The following SLC31A2 variants were observed in gnomAD, a reference collection of about 807,000 sequenced individuals.
The protein encoded by SLC31A2 is protein SLC31A2.
In SLC31A2, 16 loss-of-function variants were observed where a neutral mutation model predicts 14.4. The observed-to-expected ratio is 1.11, with a 90% CI of 0.75 to 1.69. The LOEUF (loss-of-function observed/expected upper bound fraction) is 1.69. Among genes scored for constraint, SLC31A2 ranks in the 40% most tolerant of loss-of-function variants. The pLI is 0.00. For synonymous variants in SLC31A2, 56 were observed against 68.7 expected (o/e 0.82, Z 0.91); for missense variants, 140 against 173.9 (o/e 0.81, Z 1.10).
In SLC31A2 at chr9:113,151,031, C is replaced by G. The variant is rs374995012; in HGVS notation, c.-44C>G. On this transcript the variant is annotated 5_prime_UTR_variant, in exon 1 of 4. Coordinates refer to ENST00000259392, the MANE Select transcript of SLC31A2 (RefSeq NM_001860.3). The surrounding 1 kb of genome is among the most constrained non-coding windows in gnomAD (Gnocchi z 4.2). ...TGAACTGACTCGGAGCGAGGAGACC[C>G]GAGCGAGCAGACGCGGCCCTGGCGC... 9 of 1,298,330 alleles carry G rather than the reference C, an allele frequency of 6.9e-6. No homozygotes were observed. In the Admixed American group the frequency reaches 2.5e-4, roughly 37 times the overall value. The allele number at this position is 1,298,330 out of a possible 1,614,324, so 80.4% of individuals were successfully genotyped here. A position where few individuals can be genotyped will look rare whatever the true frequency, so the allele number is the denominator to read the frequency against.
chr9:113,160,599 AT>A (rs1829998812), intron 2 of SLC31A2, among the ~76,000 whole-genome samples: 1 of 152,134 alleles, frequency 6.6e-6, no homozygotes, highest in African/African-American at 2.4e-5. Context: ...TCTAAACTGC[AT>A]TCTTTTGGGT....
intron 1 of SLC31A2, among the ~76,000 whole-genome samples, chr9:113,154,000 C>G (rs927147517): frequency 6.6e-6 from 1 of 152,156 alleles, no homozygotes; most frequent in Admixed American, 6.5e-5. Flanking sequence ...GAGACAGAGT[C>G]TTACTCTATT....
chr9:113,151,119 G>C lies in SLC31A2; in HGVS notation c.6+39G>C. On this transcript the variant is annotated intron_variant, in intron 1 of 3. Coordinates refer to ENST00000259392, the MANE Select transcript of SLC31A2 (RefSeq NM_001860.3). The surrounding 1 kb of genome is among the most constrained non-coding windows in gnomAD (Gnocchi z 4.2). ...GCTACGGTGAAGAGGGTGGGCGGTT[G>C]GGGCGGGGTCTCCTGGAGCTGCCAT... 7.7e-7 allele frequency: 1 copy of C among 1,293,284 alleles called. No homozygotes were observed. Among genetic ancestry groups the C allele is most frequent in the Non-Finnish European group, 9.9e-7 (1 of 1,012,754 alleles). 80.1% of individuals were successfully genotyped at this position (1,293,284 alleles called of 1,614,324 possible). A position where few individuals can be genotyped will look rare whatever the true frequency, so the allele number is the denominator to read the frequency against.
At chr9:113,157,929 TCA>T (rs1829955302) in intron 2 of SLC31A2, 136 bp downstream of exon 2, 1 of 725,896 alleles carries the variant, frequency 1.4e-6, no homozygotes, top group Non-Finnish European at 2.5e-6. Flanking sequence ...AGCAGGAACT[TCA>T]CAGTTATAAT....
intron 1 of SLC31A2, among the ~76,000 whole-genome samples, chr9:113,152,984 T>C (rs10981652): frequency 0.64 from 97,202 of 152,078 alleles, 31,340 homozygotes; most frequent in South Asian, 0.73. Context: ...CCCCTACCTC[T>C]ACCTGGCAGA....
In SLC31A2 at chr9:113,163,171, A is replaced by C. The variant is rs1296518585; in HGVS notation, c.*254A>C. On this transcript the variant is annotated 3_prime_UTR_variant, in exon 4 of 4. Transcript: ENST00000259392. Reference sequence around the variant, plus strand: ...GACAGCTGCTGTGACCAAAGGGAGAATGGAGATAACAGGGGTGGCAGGGTT... The same window carrying C: ...GACAGCTGCTGTGACCAAAGGGAGACTGGAGATAACAGGGGTGGCAGGGTT... 2.5e-5 allele frequency: 8 copies of C among 316,378 alleles called. No homozygotes were observed. Among genetic ancestry groups the C allele is most frequent in the Non-Finnish European group, 4.6e-5 (8 of 173,378 alleles). 19.6% of individuals were successfully genotyped at this position (316,378 alleles called of 1,614,324 possible).
At position 113,163,791 on chromosome 9, in the gene SLC31A2, A is replaced by G. The variant is rs982185990; in HGVS notation, c.*874A>G. The G allele has an allele frequency of 6.6e-6, 1 of 152,606 alleles. No individual in the cohort carries two copies. The highest frequency in any genetic ancestry group is 2.4e-5 in the African/African-American group (1 of 41,446). 9.5% of individuals were successfully genotyped at this position (152,606 alleles called of 1,614,324 possible). ...CCTCCTTTATCCTCATCTTTCTTCT[A>G]TGCAGAACAAAAAGCTGCATCTAAT... On this transcript the variant is annotated 3_prime_UTR_variant, in exon 4 of 4. Coordinates refer to ENST00000259392, the MANE Select transcript of SLC31A2 (RefSeq NM_001860.3).
In SLC31A2 at chr9:113,151,034, G is replaced by C; in HGVS notation, c.-41G>C. The C allele has an allele frequency of 7.7e-7, 1 of 1,299,672 alleles. No homozygotes were observed. Among genetic ancestry groups the C allele is most frequent in the African/African-American group, 1.5e-5 (1 of 66,050 alleles). 80.5% of individuals were successfully genotyped at this position (1,299,672 alleles called of 1,614,324 possible). On this transcript the variant is annotated 5_prime_UTR_variant, in exon 1 of 4. Coordinates refer to ENST00000259392, the MANE Select transcript of SLC31A2 (RefSeq NM_001860.3). This position sits in a 1 kb window ranked among gnomAD's most constrained non-coding sequence, Gnocchi z 4.2. The stretch of plus-strand genomic sequence containing the variant: ...ACTGACTCGGAGCGAGGAGACCCGA[G>C]CGAGCAGACGCGGCCCTGGCGCCCG...
chr9:113,162,750 T>A lies in SLC31A2; in HGVS notation c.265T>A (p.Trp89Arg), dbSNP rs940959702. The A allele has an allele frequency of 6.2e-7, 1 of 1,610,386 alleles. No individual in the cohort carries two copies. Among genetic ancestry groups the A allele is most frequent in the South Asian group, 1.1e-5 (1 of 90,710 alleles). The part of the protein sequence containing the change: ...SFPVGRTHHR[W>R]YLCHFGQSLI... ...AACTTGCTTCTCCTTTTTATCTAGG[T>A]GGTATTTGTGTCACTTTGGCCAGTC... is the stretch of plus-strand genomic sequence containing the variant. The change falls in exon 4 of 4, where the codon TGG (tryptophan) becomes AGG (arginine). Residue 89 changes from tryptophan to arginine, a missense_variant and splice_region_variant. Transcript: ENST00000259392.
chr9:113,157,661 A>C, intron 1 of SLC31A2, 66 bp from the exon 2 acceptor site: 2 of 1,307,380 alleles, frequency 1.5e-6, no homozygotes, highest in Non-Finnish European at 2.2e-6. Context: ...GAGGTGCTGG[A>C]GAGCATTAAG....
chr9:113,153,868 A>G (rs1266445263), intron 1 of SLC31A2, among the ~76,000 whole-genome samples: 1 of 152,132 alleles, frequency 6.6e-6, no homozygotes, highest in Non-Finnish European at 1.5e-5. Flanking sequence ...TAGAACAGCC[A>G]GGTTAGTCCC....
chr9:113,155,052 A>G (rs1829916676), intron 1 of SLC31A2, among the ~76,000 whole-genome samples: 2 of 152,126 alleles, frequency 1.3e-5, no homozygotes, highest in Non-Finnish European at 1.5e-5. Flanking sequence ...CTGTTTGCAT[A>G]TCTTCCTGAA....
Position 113,151,510 on chromosome 9 carries a change from A to G in SLC31A2, c.6+430A>G, listed in dbSNP as rs112437021. The G allele has an allele frequency of 2.3e-3, 406 of 175,758 alleles. 1 individual carries two copies. The highest frequency in any genetic ancestry group is 3.8e-3 in the Non-Finnish European group (323 of 84,086). The allele number at this position is 175,758 out of a possible 1,614,324, so 10.9% of individuals were successfully genotyped here. On this transcript the variant is annotated intron_variant, in intron 1 of 3. Coordinates refer to ENST00000259392, the MANE Select transcript of SLC31A2 (RefSeq NM_001860.3). The surrounding 1 kb of genome is among the most constrained non-coding windows in gnomAD (Gnocchi z 4.2). ...TTTCAGCCCGCAGCCCCGCGCGCAC[A>G]CCGAGCGCACATCCCCGGCCCTGCT...
intron 3 of SLC31A2, chr9:113,162,157 C>A: frequency 3.1e-6 from 1 of 323,776 alleles, no homozygotes; most frequent in South Asian, 2.6e-5. Flanking sequence ...CCCTGTTCTG[C>A]CCTCTGTCCA....
Position 113,162,895 on chromosome 9 carries a change from A to C in SLC31A2, c.410A>C (p.Tyr137Ser), listed in dbSNP as rs770742378. Residue 137 changes from tyrosine to serine, a missense_variant, in exon 4 of 4, where the codon TAC becomes TCC. Tyr to Ser is a moderately radical substitution (Grantham distance 144). Coordinates refer to ENST00000259392, the MANE Select transcript of SLC31A2 (RefSeq NM_001860.3). ...LGSAVGYYLA[Y>S]PLLSTA ...TCTGCTGTGGGCTACTACCTAGCTTACCCACTTCTCAGCACAGCTTAGCTG... is the reference window on the plus strand; with the variant it reads ...TCTGCTGTGGGCTACTACCTAGCTTCCCCACTTCTCAGCACAGCTTAGCTG... 15 of 1,611,488 alleles carry C rather than the reference A, an allele frequency of 9.3e-6. No homozygotes were observed. In the East Asian group the frequency reaches 3.1e-4, roughly 34 times the overall value.
At chr9:113,157,613 A>G in intron 1 of SLC31A2, 114 bp from the exon 2 acceptor site, 1 of 817,426 alleles carries the variant, frequency 1.2e-6, no homozygotes, top group African/African-American at 1.7e-5. Context: ...TGGCCCTTCC[A>G]GCACTTCCAG....
chr9:113,163,102 C>G lies in SLC31A2; in HGVS notation c.*185C>G. On this transcript the variant is annotated 3_prime_UTR_variant, in exon 4 of 4. Transcript: ENST00000259392. ...GGAAGCCATTGCAGCAACCTTCCTT[C>G]TCAGCCAGCCTACGTAGGGCCCAGG... is the stretch of plus-strand genomic sequence containing the variant. 2 of 539,702 alleles carry G rather than the reference C, an allele frequency of 3.7e-6. 1 individual carries two copies. The highest frequency in any genetic ancestry group is 5.4e-5 in the South Asian group (2 of 37,050). 33.4% of individuals were successfully genotyped at this position (539,702 alleles called of 1,614,324 possible).
Position 113,151,080 on chromosome 9 carries a change from G to A in SLC31A2, c.6G>A (p.Ala2=), listed in dbSNP as rs893827876. The A allele has an allele frequency of 1.5e-6, 2 of 1,308,202 alleles. No individual in the cohort carries two copies. The highest frequency in any genetic ancestry group is 3.3e-5 in the Admixed American group (1 of 30,208). 81.0% of individuals were successfully genotyped at this position (1,308,202 alleles called of 1,614,324 possible). The stretch of plus-strand genomic sequence containing the variant: ...GCCCGCCCTGCGCACTCACCATGGC[G>A]GTAAGGGCCGGGCGCTACGGTGAAG... M[A]MHFIFSDTAV... The change falls in exon 1 of 4, where the codon GCG becomes GCA. Residue 2 remains alanine (A), a splice_region_variant and synonymous_variant. Transcript: ENST00000259392. This position sits in a 1 kb window ranked among gnomAD's most constrained non-coding sequence, Gnocchi z 4.2.
At position 113,151,093 on chromosome 9, in the gene SLC31A2, C is replaced by T. The variant is rs2118821481; in HGVS notation, c.6+13C>T. The stretch of plus-strand genomic sequence containing the variant: ...ACTCACCATGGCGGTAAGGGCCGGG[C>T]GCTACGGTGAAGAGGGTGGGCGGTT... On this transcript the variant is annotated intron_variant, in intron 1 of 3. Coordinates refer to ENST00000259392, the MANE Select transcript of SLC31A2 (RefSeq NM_001860.3). The surrounding 1 kb of genome is among the most constrained non-coding windows in gnomAD (Gnocchi z 4.2). The T allele has an allele frequency of 7.7e-7, 1 of 1,305,364 alleles. No individual in the cohort carries two copies. The highest frequency in any genetic ancestry group is 2.9e-5 in the East Asian group (1 of 34,844). The allele number at this position is 1,305,364 out of a possible 1,614,324, so 80.9% of individuals were successfully genotyped here. A position where few individuals can be genotyped will look rare whatever the true frequency, so the allele number is the denominator to read the frequency against.
Sources: gnomAD v4.1 joint callset for allele counts (sites outside exome capture counted in the v4.1 genomes callset) on GRCh38, gnomAD v4.1.1 for gene constraint, Gnocchi (gnomAD v3.1) non-coding constraint, MANE v1.5 for transcripts, NCBI Gene and HGNC (gene_info 2026-07-23, HGNC 2026-07-21) for gene names.